Variants in CACNB2 observed in about 807,000 individuals in gnomAD.
CACNB2 encodes calcium voltage-gated channel auxiliary subunit beta 2, also known as voltage-dependent L-type calcium channel subunit beta-2.
Under a neutral mutation model 73.3 loss-of-function variants are expected in CACNB2, and 42 were observed. The ratio of observed to expected loss-of-function variants is 0.57; its 90% CI spans 0.45 to 0.74. The LOEUF (loss-of-function observed/expected upper bound fraction) is 0.74. Ranked by LOEUF, CACNB2 falls within the 30% of genes least tolerant of loss-of-function variation. CACNB2 has a pLI of 0.00. For synonymous variants in CACNB2, 348 were observed against 310.3 expected, an observed-to-expected ratio of 1.12 and a Z score of -1.28; for missense variants, 940 against 853.0, an observed-to-expected ratio of 1.10 and a Z score of -1.27.
In CACNB2 at chr10:18,259,570, A is replaced by AAAAAAAAAAGAAAAC. The variant is rs1554779378; in HGVS notation, c.213+108600_213+108601insAAAAGAAAACAAAAA. 2.7e-3 allele frequency among the ~76,000 whole-genome samples: 312 copies of AAAAAAAAAAGAAAAC among 116,862 alleles called. 15 individuals are homozygous for AAAAAAAAAAGAAAAC. The highest frequency in any genetic ancestry group is 3.6e-3 in the East Asian group (14 of 3,940). The allele number at this position is 116,862 out of a possible 152,430, so 76.7% of individuals were successfully genotyped here. ...AAAAAAAACAAAAAACAAACAAAAA[A>AAAAAAAAAAGAAAAC]AAAAAGTAAAAGTAGCCAGGCATGG... On this transcript the variant is annotated intron_variant, in intron 2 of 13. Coordinates refer to ENST00000324631, the MANE Select transcript of CACNB2 (RefSeq NM_201596.3).
chr10:18,271,707 C>T (rs573210237), intron 2 of CACNB2, among the ~76,000 whole-genome samples: 7 of 152,218 alleles, frequency 4.6e-5, no homozygotes, highest in African/African-American at 9.6e-5. Flanking sequence ...TTTCATTGCC[C>T]GCTAACCTTT....
rs7087829 is a variant in CACNB2 at position 18,426,521 on chromosome 10, A to G, written c.333+24478A>G. Among the ~76,000 whole-genome samples the G allele has an allele frequency of 6.2e-3, 946 of 152,290 alleles. 10 individuals are homozygous for G. The highest frequency in any genetic ancestry group is 0.022 in the African/African-American group (907 of 41,550). On this transcript the variant is annotated intron_variant, in intron 3 of 13. Transcript: ENST00000324631. ...GGGTTTTCTATCAGACATAGATAGG[A>G]CAGTCATAGCATGTGAATAACGGAA...
At chr10:18,246,100 A>G (rs1208389982) in intron 2 of CACNB2, among the ~76,000 whole-genome samples, 1 of 152,100 alleles carries the variant, frequency 6.6e-6, no homozygotes, top group African/African-American at 2.4e-5. Flanking sequence ...CAGATGAAAG[A>G]CTGTGTGTCT....
At chr10:18,150,177 G>C (rs546415977) in intron 1 of CACNB2, among the ~76,000 whole-genome samples, 47 of 152,288 alleles carry the variant, frequency 3.1e-4, no homozygotes, top group Admixed American at 1.5e-3. Flanking sequence ...AATAGGAAAA[G>C]CAAGTTCATT....
At chr10:18,349,579 CA>C (rs1371136979) in intron 2 of CACNB2, among the ~76,000 whole-genome samples, 1 of 152,006 alleles carries the variant, frequency 6.6e-6, no homozygotes. Flanking sequence ...GAGCCAGACA[CA>C]AGGAGACAAA....
At chr10:18,343,976 A>T (rs1289468805) in intron 2 of CACNB2, among the ~76,000 whole-genome samples, 1 of 151,900 alleles carries the variant, frequency 6.6e-6, no homozygotes, top group Admixed American at 6.6e-5. Context: ...AACAAATAAG[A>T]TGATGATGAT....
Position 18,362,444 on chromosome 10 carries a change from C to T in CACNB2, c.214-39480C>T, listed in dbSNP as rs187369778. 3.3e-4 allele frequency among the ~76,000 whole-genome samples: 50 copies of T among 152,058 alleles called. No homozygotes were observed. The East Asian group carries it at 9.1e-3, about 28-fold the overall frequency. On this transcript the variant is annotated intron_variant, in intron 2 of 13. Coordinates refer to ENST00000324631, the MANE Select transcript of CACNB2 (RefSeq NM_201596.3). ...CTTTACATTGTGTGATTACTGTTTC[C>T]TCCTTGTTTTTTTCCCCCAAGTGAT...
At chr10:18,419,455 G>A (rs553056624) in intron 3 of CACNB2, among the ~76,000 whole-genome samples, 111 of 152,288 alleles carry the variant, frequency 7.3e-4, no homozygotes, top group African/African-American at 2.7e-3. Context: ...GTGACACGGA[G>A]CCCTAGTCAC....
At chr10:18,452,825 A>T (rs138962175) in intron 3 of CACNB2, among the ~76,000 whole-genome samples, 32 of 152,362 alleles carry the variant, frequency 2.1e-4, no homozygotes, top group Non-Finnish European at 4.4e-4. Flanking sequence ...GACTCTAGTC[A>T]TTCCTTAATG....
intron 3 of CACNB2, among the ~76,000 whole-genome samples, chr10:18,405,923 A>C (rs1048664792): frequency 6.6e-6 from 1 of 151,826 alleles, no homozygotes; most frequent in Non-Finnish European, 1.5e-5. Flanking sequence ...TCTTGCTCTC[A>C]CGTGTGCAAC....
intron 2 of CACNB2, among the ~76,000 whole-genome samples, chr10:18,204,618 G>T (rs2035016660): frequency 6.6e-6 from 1 of 152,126 alleles, no homozygotes; most frequent in Non-Finnish European, 1.5e-5. Flanking sequence ...GTGGCCTTAG[G>T]CCACAAAATC....
chr10:18,252,108 A>T (rs1564377769), intron 2 of CACNB2, among the ~76,000 whole-genome samples: 1 of 152,234 alleles, frequency 6.6e-6, no homozygotes, highest in African/African-American at 2.4e-5. Context: ...AGCCAAATCT[A>T]TAAGGAGTTA....
intron 2 of CACNB2, among the ~76,000 whole-genome samples, chr10:18,377,145 C>G (rs556899377): frequency 2.6e-5 from 4 of 152,048 alleles, no homozygotes; most frequent in Non-Finnish European, 5.9e-5. Context: ...AAAAAGAAAA[C>G]CAAAAACCAC....
At chr10:18,336,511 C>T (rs1035134333) in intron 2 of CACNB2, among the ~76,000 whole-genome samples, 1 of 152,032 alleles carries the variant, frequency 6.6e-6, no homozygotes, top group African/African-American at 2.4e-5. Flanking sequence ...TCCAGCTACT[C>T]GAGAGGCTGA....
At chr10:18,495,409 G>A (rs2049732399) in intron 3 of CACNB2, among the ~76,000 whole-genome samples, 1 of 152,020 alleles carries the variant, frequency 6.6e-6, no homozygotes, top group African/African-American at 2.4e-5. Flanking sequence ...AGTAGAGATG[G>A]GGTTTCTCCA....
At chr10:18,365,239 G>T (rs545287394) in intron 2 of CACNB2, among the ~76,000 whole-genome samples, 1 of 152,212 alleles carries the variant, frequency 6.6e-6, no homozygotes, top group African/African-American at 2.4e-5. Context: ...GAGTTAGTTT[G>T]TTTTCAGCAT....
intron 2 of CACNB2, among the ~76,000 whole-genome samples, chr10:18,371,059 A>G (rs1316944009): frequency 6.6e-6 from 1 of 152,224 alleles, no homozygotes; most frequent in African/African-American, 2.4e-5. Context: ...CAGAAAGGTT[A>G]TACTAAATTT....
chr10:18,234,441 C>T (rs143517553), intron 2 of CACNB2, among the ~76,000 whole-genome samples: 66 of 152,244 alleles, frequency 4.3e-4, no homozygotes, highest in African/African-American at 1.4e-3. Context: ...ATTTGTACAG[C>T]CATAACCTAG....
intron 2 of CACNB2, among the ~76,000 whole-genome samples, chr10:18,252,843 G>T (rs2037141433): frequency 6.6e-6 from 1 of 152,154 alleles, no homozygotes; most frequent in South Asian, 2.1e-4. Flanking sequence ...GGAAACTGCT[G>T]GAAGGGGAAC....
Sources: gnomAD v4.1 joint callset for allele counts (sites outside exome capture counted in the v4.1 genomes callset) on GRCh38, gnomAD v4.1.1 for gene constraint, MANE v1.5 for transcripts, NCBI Gene and HGNC (gene_info 2026-07-23, HGNC 2026-07-21) for gene names.